The following FER variants were observed in gnomAD, a reference collection of about 807,000 sequenced individuals.
The protein encoded by FER is tyrosine-protein kinase Fer.
In FER, 63 loss-of-function variants were observed where a neutral mutation model predicts 111.0. The observed-to-expected ratio is 0.57, with a 90% CI of 0.46 to 0.70. The LOEUF is 0.70. Ranked by LOEUF, FER falls within the 30% of genes least tolerant of loss-of-function variation. FER has a pLI of 0.00. For missense variants in FER, 914 were observed against 954.0 expected (o/e 0.96, Z 0.55); for synonymous variants, 327 against 313.9 (o/e 1.04, Z -0.44).
chr5:108,947,142 G>C (rs761795736), intron 11 of FER, among the ~76,000 whole-genome samples: 16 of 151,940 alleles, frequency 1.1e-4, no homozygotes, highest in Non-Finnish European at 2.1e-4. Context: ...TATAAATAAT[G>C]CTGCTATGAA....
At chr5:109,017,076 C>T (rs1198204696) in intron 13 of FER, among the ~76,000 whole-genome samples, 1 of 151,878 alleles carries the variant, frequency 6.6e-6, no homozygotes, top group Non-Finnish European at 1.5e-5. Context: ...CTAAGCTGAC[C>T]AATACACCAT....
rs1759351268 is a variant in FER, at chr5:109,191,193, A to G, written c.*3618A>G. 6.6e-6 allele frequency: 1 copy of G among 152,172 alleles called. No individual in the cohort carries two copies. The highest frequency in any genetic ancestry group is 2.4e-5 in the African/African-American group (1 of 41,444). The allele number at this position is 152,172 out of a possible 1,614,324, so 9.4% of individuals were successfully genotyped here. A position where few individuals can be genotyped will look rare whatever the true frequency, so the allele number is the denominator to read the frequency against. ...TCCAAATAAATTATAATGTAACAAT[A>G]CAAATATCTGAATCATAAGTCACAG... On this transcript the variant is annotated 3_prime_UTR_variant, in exon 20 of 20. Coordinates refer to ENST00000281092, the MANE Select transcript of FER (RefSeq NM_005246.4).
intron 13 of FER, among the ~76,000 whole-genome samples, chr5:109,022,690 C>T (rs990382147): frequency 3.9e-5 from 6 of 151,940 alleles, no homozygotes; most frequent in African/African-American, 1.5e-4. Flanking sequence ...TGAGGAGACA[C>T]GATTCAAGTC....
At chr5:108,988,595 A>G (rs1762827690) in intron 13 of FER, among the ~76,000 whole-genome samples, 1 of 152,066 alleles carries the variant, frequency 6.6e-6, no homozygotes, top group South Asian at 2.1e-4. Context: ...GTAGCCTTCA[A>G]TGATCTTTTG....
chr5:108,879,701 A>AAT (rs1554084618), intron 8 of FER, among the ~76,000 whole-genome samples: 1,848 of 99,066 alleles, frequency 0.019, 63 homozygotes, highest in Middle Eastern at 0.022. Flanking sequence ...ATTAAAAAAA[A>AAT]ATATATATAT....
chr5:109,062,314 G>A (rs1382636650), intron 16 of FER, among the ~76,000 whole-genome samples: 5 of 152,072 alleles, frequency 3.3e-5, no homozygotes, highest in East Asian at 1.9e-4. Context: ...ACTCGAGGCC[G>A]GGAGTTCAAG....
At chr5:108,900,773 T>C (rs1210664200) in intron 10 of FER, among the ~76,000 whole-genome samples, 1 of 152,182 alleles carries the variant, frequency 6.6e-6, no homozygotes, top group Non-Finnish European at 1.5e-5. Flanking sequence ...CTTATAAAGG[T>C]TCCAAATGAT....
chr5:108,926,008 G>A (rs1247752932), intron 10 of FER, among the ~76,000 whole-genome samples: 1 of 151,462 alleles, frequency 6.6e-6, no homozygotes, highest in African/African-American at 2.4e-5. Context: ...AAAAAGTCTC[G>A]CTTTCTTGTT....
At chr5:108,855,235 T>C (rs1762883179) in intron 5 of FER, among the ~76,000 whole-genome samples, 1 of 152,096 alleles carries the variant, frequency 6.6e-6, no homozygotes, top group East Asian at 1.9e-4. Context: ...AGCCATGAGA[T>C]TTTATGACAT....
chr5:108,942,439 G>T (rs1182215944), intron 10 of FER, among the ~76,000 whole-genome samples: 1 of 151,986 alleles, frequency 6.6e-6, no homozygotes, highest in Admixed American at 6.6e-5. Context: ...TAGCAAGGGG[G>T]TTTTCTTTCT....
intron 11 of FER, among the ~76,000 whole-genome samples, chr5:108,954,199 A>G (rs141205254): frequency 6.6e-6 from 1 of 152,176 alleles, no homozygotes; most frequent in East Asian, 1.9e-4. Context: ...GGTAATGGTT[A>G]AGGAAGTCAG....
intron 10 of FER, among the ~76,000 whole-genome samples, chr5:108,927,226 A>C (rs982439987): frequency 6.8e-6 from 1 of 146,586 alleles, no homozygotes; most frequent in Non-Finnish European, 1.5e-5. Context: ...CCCATATCCC[A>C]TGTAATTCAG....
At chr5:109,056,583 A>C (rs553479908) in intron 16 of FER, among the ~76,000 whole-genome samples, 1 of 152,316 alleles carries the variant, frequency 6.6e-6, no homozygotes, top group Non-Finnish European at 1.5e-5. Context: ...GGAAATGGGA[A>C]GATGTAGGTC....
intron 5 of FER, among the ~76,000 whole-genome samples, chr5:108,847,750 A>G (rs1762161144): frequency 6.6e-6 from 1 of 152,158 alleles, no homozygotes; most frequent in East Asian, 1.9e-4. Context: ...CTTTATTATT[A>G]TGAAATGACC....
At chr5:108,865,554 CA>C (rs1460855344) in intron 5 of FER, among the ~76,000 whole-genome samples, 1 of 152,108 alleles carries the variant, frequency 6.6e-6, no homozygotes. Context: ...ACACCAAAAG[CA>C]ATGGCAACAA....
intron 13 of FER, among the ~76,000 whole-genome samples, chr5:108,966,077 C>G (rs571522493): frequency 6.6e-6 from 1 of 152,138 alleles, no homozygotes; most frequent in African/African-American, 2.4e-5. Context: ...ACTTTAGAAA[C>G]CACTGATGTT....
At chr5:109,009,380 C>G (rs1765944027) in intron 13 of FER, among the ~76,000 whole-genome samples, 1 of 151,994 alleles carries the variant, frequency 6.6e-6, no homozygotes, top group African/African-American at 2.4e-5. Flanking sequence ...TATGAAGTAA[C>G]TTATAAGCAT....
intron 13 of FER, among the ~76,000 whole-genome samples, chr5:108,998,124 C>T (rs1764235208): frequency 6.6e-6 from 1 of 150,922 alleles, no homozygotes; most frequent in African/African-American, 2.4e-5. Flanking sequence ...GCTTCATCTC[C>T]CTTTCCCCGG....
At chr5:109,118,942 T>TG (rs952463056) in intron 17 of FER, among the ~76,000 whole-genome samples, 2 of 151,344 alleles carry the variant, frequency 1.3e-5, no homozygotes, top group African/African-American at 4.9e-5. Flanking sequence ...GTTGATCTTT[T>TG]GAAAAAAAAA....
Sources: allele counts gnomAD v4.1 joint callset (sites outside exome capture counted in the v4.1 genomes callset), GRCh38; gene constraint gnomAD v4.1.1; transcripts MANE v1.5; gene names NCBI Gene and HGNC (gene_info 2026-07-23, HGNC 2026-07-21).